FARS2: variants seen among roughly 807,000 people sequenced by gnomAD.
FARS2 encodes the protein phenylalanine--tRNA ligase, mitochondrial.
FARS2 carries 40 observed loss-of-function variants against 46.4 expected under a neutral mutation model. The ratio of observed to expected loss-of-function variants is 0.86; its 90% CI spans 0.67 to 1.12. The LOEUF (loss-of-function observed/expected upper bound fraction) is 1.12. Among genes scored for constraint, FARS2 ranks in the 50% most tolerant of loss-of-function variants. FARS2 has a pLI of 0.00. For missense variants in FARS2, 513 were observed against 567.9 expected (o/e 0.90, Z 0.98); for synonymous variants, 234 against 214.9 (o/e 1.09, Z -0.78).
At chr6:5,365,111 G>C (rs1428850786) in intron 1 of FARS2, among the ~76,000 whole-genome samples, 7 of 150,844 alleles carry the variant, frequency 4.6e-5, no homozygotes, top group Admixed American at 4.6e-4. Context: ...GGGCAGATTT[G>C]GCCCTTGGGT....
intron 4 of FARS2, among the ~76,000 whole-genome samples, chr6:5,530,577 A>G (rs1401644348): frequency 1.3e-5 from 2 of 151,286 alleles, no homozygotes; most frequent in African/African-American, 4.8e-5. Flanking sequence ...AAGTATACAC[A>G]GAAGTATTCA....
chr6:5,350,169 ATTTTTTTT>A (rs57211565), intron 1 of FARS2, among the ~76,000 whole-genome samples: 1 of 131,710 alleles, frequency 7.6e-6, no homozygotes, highest in African/African-American at 2.9e-5. Flanking sequence ...TGCCTGGCAA[ATTTTTTTT>A]TTTTTTTTTT....
chr6:5,371,395 T>C (rs908111699), intron 2 of FARS2, among the ~76,000 whole-genome samples: 1 of 152,216 alleles, frequency 6.6e-6, no homozygotes, highest in African/African-American at 2.4e-5. Context: ...GTTTAATCTT[T>C]GTAATTATTA....
At chr6:5,443,212 A>G (rs1763939969) in intron 4 of FARS2, among the ~76,000 whole-genome samples, 1 of 152,216 alleles carries the variant, frequency 6.6e-6, no homozygotes, top group Non-Finnish European at 1.5e-5. Context: ...ACACAGTCTA[A>G]CCATTAGCTT....
At chr6:5,580,303 AAAAG>A (rs945488201) in intron 5 of FARS2, among the ~76,000 whole-genome samples, 1 of 150,846 alleles carries the variant, frequency 6.6e-6, no homozygotes, top group Non-Finnish European at 1.5e-5. Context: ...AAAAAAAAAA[AAAAG>A]AGAAGGAGGG....
chr6:5,457,023 C>T (rs1037411812), intron 4 of FARS2: 8 of 152,384 alleles, frequency 5.2e-5, no homozygotes, highest in African/African-American at 1.9e-4. Flanking sequence ...TGCCCGTGAT[C>T]CTCTACTGTG....
intron 4 of FARS2, among the ~76,000 whole-genome samples, chr6:5,455,666 A>C (rs1312495243): frequency 6.6e-6 from 1 of 152,192 alleles, no homozygotes; most frequent in Non-Finnish European, 1.5e-5. Context: ...ATTGCTCTTA[A>C]TTATAGGTCA....
At chr6:5,602,670 A>AGGG (rs1554114902) in intron 5 of FARS2, among the ~76,000 whole-genome samples, 21 of 137,754 alleles carry the variant, frequency 1.5e-4, no homozygotes, top group African/African-American at 5.0e-4. Flanking sequence ...AAAAAAAAAA[A>AGGG]GGGAACCTCC....
At chr6:5,668,955 C>A (rs1778300807) in intron 6 of FARS2, among the ~76,000 whole-genome samples, 1 of 152,194 alleles carries the variant, frequency 6.6e-6, no homozygotes, top group Middle Eastern at 3.4e-3. Context: ...CTTGGCCTCC[C>A]AAAGTGCTGG....
In FARS2 at chr6:5,271,374, CTG is replaced by C. The variant is rs541935946; in HGVS notation, c.-22+9717_-22+9718del. 6.6e-5 allele frequency among the ~76,000 whole-genome samples: 10 copies of C among 152,222 alleles called. No individual in the cohort carries two copies. In the South Asian group the frequency reaches 2.1e-3, roughly 32 times the overall value. Reference sequence around the variant, plus strand: ...TCCTCATCCATTTCTGAACCAATAACTGTGACCAGGGAGAAGATAGGATTCTT... The same window carrying C: ...TCCTCATCCATTTCTGAACCAATAACTGACCAGGGAGAAGATAGGATTCTT... On this transcript the variant is annotated intron_variant, in intron 1 of 6. Coordinates refer to ENST00000274680, the MANE Select transcript of FARS2 (RefSeq NM_006567.5).
At chr6:5,371,892 C>T (rs1302654895) in intron 2 of FARS2, among the ~76,000 whole-genome samples, 1 of 151,256 alleles carries the variant, frequency 6.6e-6, no homozygotes, top group Non-Finnish European at 1.5e-5. Context: ...ACTAAAGACA[C>T]ACATTATCAG....
chr6:5,315,746 C>CTTTCTTTCTTTCTTTCTTTT (rs1308000714), intron 1 of FARS2, among the ~76,000 whole-genome samples: 1 of 121,080 alleles, frequency 8.3e-6, no homozygotes, highest in Non-Finnish European at 1.7e-5. Flanking sequence ...TTTTTCCTTT[C>CTTTCTTTCTTTCTTTCTTTT]TTTCTTTCTT....
chr6:5,539,661 G>C (rs977008979), intron 4 of FARS2, among the ~76,000 whole-genome samples: 1 of 152,042 alleles, frequency 6.6e-6, no homozygotes, highest in Non-Finnish European at 1.5e-5. Flanking sequence ...TATCTTTTCA[G>C]TGAATTCTTG....
chr6:5,339,376 T>C (rs1321954359), intron 1 of FARS2, among the ~76,000 whole-genome samples: 1 of 152,122 alleles, frequency 6.6e-6, no homozygotes, highest in Non-Finnish European at 1.5e-5. Flanking sequence ...CAGGGCAAGT[T>C]AGCAAATTTT....
chr6:5,681,803 T>G (rs1002793939), intron 6 of FARS2, among the ~76,000 whole-genome samples: 1 of 152,242 alleles, frequency 6.6e-6, no homozygotes, highest in African/African-American at 2.4e-5. Context: ...CTTCCTTCTC[T>G]GGATCCCTCC....
intron 4 of FARS2, chr6:5,466,769 A>C: frequency 1.0e-6 from 1 of 979,532 alleles, no homozygotes; most frequent in South Asian, 4.7e-5. Flanking sequence ...AGACTGAAGC[A>C]GCACCCCTGG....
chr6:5,521,787 T>G (rs908679074), intron 4 of FARS2, among the ~76,000 whole-genome samples: 17 of 152,226 alleles, frequency 1.1e-4, no homozygotes, highest in South Asian at 2.1e-4. Flanking sequence ...TTTTCTTTTT[T>G]CATGTTTTAA....
intron 6 of FARS2, among the ~76,000 whole-genome samples, chr6:5,728,080 C>T (rs1350247393): frequency 1.3e-5 from 2 of 152,208 alleles, no homozygotes; most frequent in African/African-American, 2.4e-5. Flanking sequence ...TAACAGGGTC[C>T]GAGAACATTT....
At chr6:5,312,014 C>T (rs898863076) in intron 1 of FARS2, among the ~76,000 whole-genome samples, 4 of 152,176 alleles carry the variant, frequency 2.6e-5, no homozygotes, top group Non-Finnish European at 4.4e-5. Context: ...GTAATACAAA[C>T]ATTCATCCAC....
Sources: allele counts gnomAD v4.1 joint callset (sites outside exome capture counted in the v4.1 genomes callset), GRCh38; gene constraint gnomAD v4.1.1; transcripts MANE v1.5; gene names NCBI Gene and HGNC (gene_info 2026-07-23, HGNC 2026-07-21).